Variants in CDC14B observed in about 807,000 individuals in gnomAD.
CDC14B encodes the protein cell division cycle 14B.
Under a neutral mutation model 64.2 loss-of-function variants are expected in CDC14B, and 22 were observed. The observed-to-expected ratio is 0.34, with a 90% CI of 0.24 to 0.49. CDC14B has a LOEUF of 0.49. Among genes scored for constraint, CDC14B ranks in the 20% least tolerant of loss-of-function variants. The pLI is 0.99. For missense variants in CDC14B, 498 were observed against 629.9 expected, an observed-to-expected ratio of 0.79 and a Z score of 2.24; for synonymous variants, 191 against 215.8, an observed-to-expected ratio of 0.89 and a Z score of 1.01.
Position 96,503,609 on chromosome 9 carries a change from T to A in CDC14B, c.*144A>T, listed in dbSNP as rs186140366. 115 of 681,730 alleles carry A rather than the reference T, an allele frequency of 1.7e-4. No individual in the cohort carries two copies. The East Asian group carries it at 2.7e-3, about 16-fold the overall frequency. 42.2% of individuals were successfully genotyped at this position (681,730 alleles called of 1,614,324 possible). On this transcript the variant is annotated 3_prime_UTR_variant, in exon 14 of 14. Coordinates refer to ENST00000375241, the MANE Select transcript of CDC14B (RefSeq NM_033331.4). ...TCAAAGTTCATTATTCAAACTCCAG[T>A]GGACATTTTCTCCATTGATCAACTT...
intron 1 of CDC14B, among the ~76,000 whole-genome samples, chr9:96,575,901 A>G (rs947876945): frequency 6.6e-6 from 1 of 152,216 alleles, no homozygotes; most frequent in African/African-American, 2.4e-5. Flanking sequence ...CTTACAGAAA[A>G]AACTGAAATG....
rs182797658 is a variant in CDC14B, at chr9:96,555,036, A to G, written c.421-3164T>C. ...TATAGAATGCCCACTCTAATTCCAC[A>G]GTGCTAGTTAAGAACAGGAAACAAC... is the stretch of plus-strand genomic sequence containing the variant. On this transcript the variant is annotated intron_variant, in intron 4 of 13. Transcript: ENST00000375241. Among the ~76,000 whole-genome samples, 375 of 152,306 alleles carry G rather than the reference A, an allele frequency of 2.5e-3. 1 individual carries two copies. The highest frequency in any genetic ancestry group is 8.7e-3 in the African/African-American group (363 of 41,574).
At position 96,557,232 on chromosome 9, in the gene CDC14B, T is replaced by C. The variant is rs112744267; in HGVS notation, c.421-5360A>G. Among the ~76,000 whole-genome samples, 1,155 of 152,346 alleles carry C rather than the reference T, an allele frequency of 7.6e-3. 21 individuals are homozygous for C. Among genetic ancestry groups the C allele is most frequent in the African/African-American group, 0.026 (1,076 of 41,578 alleles). On this transcript the variant is annotated intron_variant, in intron 4 of 13. Transcript: ENST00000375241. ...TCCCAAGGAAGCACTGGCTTCCCAC[T>C]GAGGGCCTGTGCCGTCCCTTTGCTC...
rs1378488944 is a variant in CDC14B, at chr9:96,500,123, A to G, written c.*3630T>C. The G allele has an allele frequency of 6.5e-6, 1 of 152,678 alleles. No individual in the cohort carries two copies. Among genetic ancestry groups the G allele is most frequent in the Non-Finnish European group, 1.5e-5 (1 of 68,048 alleles). 9.5% of individuals were successfully genotyped at this position (152,678 alleles called of 1,614,324 possible). On this transcript the variant is annotated 3_prime_UTR_variant, in exon 14 of 14. Transcript: ENST00000375241. ...TAAACAAAAAGGCTGTTGGGTTAAT[A>G]CTTTTAATTACATGATTGTAATTAT...
At chr9:96,557,857 G>A (rs73654898) in intron 4 of CDC14B, among the ~76,000 whole-genome samples, 7,941 of 152,224 alleles carry the variant, frequency 0.052, 699 homozygotes, top group African/African-American at 0.18. Flanking sequence ...TGCAAGCTAC[G>A]TGCCAAAAGT....
chr9:96,560,422 G>C (rs1842990317), intron 4 of CDC14B, among the ~76,000 whole-genome samples: 1 of 152,080 alleles, frequency 6.6e-6, no homozygotes, highest in Non-Finnish European at 1.5e-5. Context: ...AAGAATTCTG[G>C]CTGAATTCCT....
At chr9:96,541,561 T>G (rs1564287850) in intron 6 of CDC14B, among the ~76,000 whole-genome samples, 3 of 152,228 alleles carry the variant, frequency 2.0e-5, no homozygotes, top group Admixed American at 2.0e-4. Context: ...ATTCTGGATC[T>G]AGAACCTAAT....
chr9:96,558,412 A>C (rs565156418), intron 4 of CDC14B, among the ~76,000 whole-genome samples: 18 of 152,362 alleles, frequency 1.2e-4, no homozygotes, highest in African/African-American at 4.3e-4. Flanking sequence ...CATGTAACCC[A>C]TAAATATGTA....
intron 1 of CDC14B, among the ~76,000 whole-genome samples, chr9:96,604,732 G>A (rs1013101627): frequency 6.3e-5 from 9 of 143,096 alleles, no homozygotes; most frequent in Admixed American, 6.2e-4. Flanking sequence ...GTAGTGGCAC[G>A]ATCTTGGCTC....
chr9:96,511,872 C>T (rs910695205), intron 12 of CDC14B, among the ~76,000 whole-genome samples: 2 of 152,094 alleles, frequency 1.3e-5, no homozygotes, highest in Admixed American at 1.3e-4. Context: ...GCAGGAGGAT[C>T]ACTTGAGGCC....
chr9:96,615,440 G>A (rs1043794544), intron 1 of CDC14B, among the ~76,000 whole-genome samples: 1 of 152,102 alleles, frequency 6.6e-6, no homozygotes, highest in South Asian at 2.1e-4. Flanking sequence ...AAGTATCCTG[G>A]GATCTATGGG....
chr9:96,597,359 T>C (rs1846151335), intron 1 of CDC14B, among the ~76,000 whole-genome samples: 1 of 151,982 alleles, frequency 6.6e-6, no homozygotes, highest in Non-Finnish European at 1.5e-5. Flanking sequence ...CCGAGCATGG[T>C]GGCATGCGCC....
chr9:96,557,976 T>C (rs976378097), intron 4 of CDC14B, among the ~76,000 whole-genome samples: 4 of 152,230 alleles, frequency 2.6e-5, no homozygotes, highest in Non-Finnish European at 5.9e-5. Context: ...AAAGTACATT[T>C]AACCCATAGA....
chr9:96,546,283 A>G (rs1481793428), intron 5 of CDC14B, among the ~76,000 whole-genome samples: 2 of 152,190 alleles, frequency 1.3e-5, no homozygotes, highest in Non-Finnish European at 2.9e-5. Flanking sequence ...GACATTACAT[A>G]TGTGAAATCC....
intron 9 of CDC14B, among the ~76,000 whole-genome samples, chr9:96,524,575 T>C (rs866979764): frequency 2.0e-5 from 3 of 152,204 alleles, no homozygotes; most frequent in African/African-American, 4.8e-5. Context: ...GTTAATTTTA[T>C]GTGTCAATCC....
intron 5 of CDC14B, among the ~76,000 whole-genome samples, chr9:96,546,746 G>A (rs1051597300): frequency 1.4e-5 from 2 of 146,040 alleles, no homozygotes; most frequent in African/African-American, 2.5e-5. Flanking sequence ...CACCGCGCCC[G>A]GCCACGACAG....
At chr9:96,574,469 G>A (rs1232706283) in intron 1 of CDC14B, among the ~76,000 whole-genome samples, 1 of 151,738 alleles carries the variant, frequency 6.6e-6, no homozygotes, top group African/African-American at 2.4e-5. Context: ...CTAGATATAA[G>A]AAGAAAAGCT....
At chr9:96,601,686 G>A (rs910006019) in intron 1 of CDC14B, among the ~76,000 whole-genome samples, 2 of 151,222 alleles carry the variant, frequency 1.3e-5, no homozygotes, top group African/African-American at 2.4e-5. Flanking sequence ...CCAGCTACTC[G>A]GGAAGCTGAG....
chr9:96,511,765 G>C (rs1398313632), intron 12 of CDC14B, among the ~76,000 whole-genome samples: 1 of 152,218 alleles, frequency 6.6e-6, no homozygotes, highest in Non-Finnish European at 1.5e-5. Context: ...TTCTCCTAGA[G>C]TGTGATCATC....
Sources: allele counts gnomAD v4.1 joint callset (sites outside exome capture counted in the v4.1 genomes callset), GRCh38; gene constraint gnomAD v4.1.1; transcripts MANE v1.5; gene names NCBI Gene and HGNC (gene_info 2026-07-23, HGNC 2026-07-21).